The following RYR2 variants were observed in gnomAD, a reference collection of about 807,000 sequenced individuals.
RYR2 encodes the protein ryanodine receptor 2, also known as cardiac muscle ryanodine receptor-calcium release channel.
In RYR2, 227 loss-of-function variants were observed where a neutral mutation model predicts 601.1. The observed-to-expected ratio is 0.38, with a 90% confidence interval of 0.34 to 0.42. The LOEUF (loss-of-function observed/expected upper bound fraction) is 0.42. Among genes scored for constraint, RYR2 ranks in the 10% least tolerant of loss-of-function variants. The pLI, the probability that RYR2 is intolerant of heterozygous loss-of-function variation, is 1.00. For synonymous variants in RYR2, 2,223 were observed against 2,175.1 expected, an observed-to-expected ratio of 1.02 and a Z score of -0.61; for missense variants, 4,646 against 6,156.5, an observed-to-expected ratio of 0.75 and a Z score of 8.21.
chr1:237,595,906 A>G (rs1675844816), intron 34 of RYR2, among the ~76,000 whole-genome samples: 2 of 152,162 alleles, frequency 1.3e-5, no homozygotes, highest in African/African-American at 2.4e-5. Flanking sequence ...AAATGCCTGT[A>G]GCGAGACCAC....
At chr1:237,657,601 T>C (rs1683375149) in intron 53 of RYR2, among the ~76,000 whole-genome samples, 1 of 151,820 alleles carries the variant, frequency 6.6e-6, no homozygotes, top group South Asian at 2.1e-4. Context: ...TTAGTGCTTG[T>C]TTTTTCTTTT....
At position 237,794,009 on chromosome 1, in the gene RYR2, A is replaced by C. The variant is rs790900; in HGVS notation, c.13913+12A>C. On this transcript the variant is annotated intron_variant, in intron 95 of 104. Transcript: ENST00000366574. ...GTAATCAACACACAGTGAGTAAATA[A>C]TTATATGAGACTTTCTGCACTCAAA... is the stretch of plus-strand genomic sequence containing the variant. The C allele has an allele frequency of 0.69, 1,103,150 of 1,601,696 alleles. 384,249 individuals are homozygous for C. Among genetic ancestry groups the C allele is most frequent in the East Asian group, 0.95 (42,526 of 44,748 alleles).
intron 1 of RYR2, among the ~76,000 whole-genome samples, chr1:237,246,561 C>T (rs979549918): frequency 3.9e-5 from 6 of 152,204 alleles, no homozygotes; most frequent in South Asian, 4.2e-4. Context: ...TTCAGCCTCC[C>T]GAGTAGCTAG....
At chr1:237,049,400 C>A (rs1660977119) in intron 1 of RYR2, among the ~76,000 whole-genome samples, 1 of 152,112 alleles carries the variant, frequency 6.6e-6, no homozygotes, top group Non-Finnish European at 1.5e-5. Flanking sequence ...ACCCTGCCAA[C>A]AAATGGTTGT....
chr1:237,699,855 A>C (rs77961583), intron 64 of RYR2, among the ~76,000 whole-genome samples: 4,005 of 152,304 alleles, frequency 0.026, 165 homozygotes, highest in African/African-American at 0.091. Flanking sequence ...AGCTGGCATG[A>C]AATTTTTTTT....
intron 25 of RYR2, among the ~76,000 whole-genome samples, chr1:237,538,394 C>CAAAAAAA (rs10551995): frequency 1.5e-4 from 5 of 32,898 alleles, no homozygotes; most frequent in Non-Finnish European, 1.9e-4. Flanking sequence ...GACTCTGTCT[C>CAAAAAAA]AAAAAAAAAA....
In RYR2 at chr1:237,723,125, C is replaced by T. The variant is rs1202806553; in HGVS notation, c.10555-3C>T. 3.8e-6 allele frequency: 6 copies of T among 1,598,900 alleles called. No homozygotes were observed. The highest frequency in any genetic ancestry group is 5.1e-6 in the Non-Finnish European group (6 of 1,174,966). ...CATTGTAACCTTTTCCTTTTTTCTGCAGTTGGAGGATCCTGCTATTAGATG... is the reference window on the plus strand; with the variant it reads ...CATTGTAACCTTTTCCTTTTTTCTGTAGTTGGAGGATCCTGCTATTAGATG... On this transcript the variant is annotated splice_region_variant and splice_polypyrimidine_tract_variant and intron_variant, in intron 73 of 104. Coordinates refer to ENST00000366574, the MANE Select transcript of RYR2 (RefSeq NM_001035.3).
chr1:237,538,780 AAT>A (rs201224830), intron 25 of RYR2, among the ~76,000 whole-genome samples: 3 of 14,814 alleles, frequency 2.0e-4, no homozygotes, highest in Non-Finnish European at 7.4e-4. Flanking sequence ...CAATAAAAAA[AAT>A]TAAAAAAAAA....
intron 17 of RYR2, among the ~76,000 whole-genome samples, chr1:237,483,897 T>C (rs1221110258): frequency 1.3e-5 from 2 of 152,150 alleles, no homozygotes; most frequent in Admixed American, 6.6e-5. Flanking sequence ...GGGAAAAAAA[T>C]CCCCAAACAA....
At chr1:237,777,366 G>T (rs763816195) in intron 87 of RYR2, among the ~76,000 whole-genome samples, 29 of 152,112 alleles carry the variant, frequency 1.9e-4, no homozygotes, top group Admixed American at 9.8e-4. Flanking sequence ...GCTGAGACAG[G>T]AAAAAGTTCT....
chr1:237,496,461 T>C (rs1351616772), intron 19 of RYR2, 50 bp from the exon 20 acceptor site: 4 of 1,597,526 alleles, frequency 2.5e-6, no homozygotes, highest in Non-Finnish European at 3.4e-6. Context: ...ATGAAAACAA[T>C]GAAAGGTTTT....
chr1:237,552,093 C>T (rs900702709), intron 27 of RYR2, among the ~76,000 whole-genome samples: 1 of 152,160 alleles, frequency 6.6e-6, no homozygotes, highest in Non-Finnish European at 1.5e-5. Flanking sequence ...ATCCATAATG[C>T]TAACATAATA....
intron 63 of RYR2, among the ~76,000 whole-genome samples, chr1:237,689,475 G>C (rs1686748570): frequency 6.6e-6 from 1 of 151,986 alleles, no homozygotes; most frequent in Admixed American, 6.6e-5. Flanking sequence ...TTCCATTTTT[G>C]TTGAATATAT....
chr1:237,326,311 C>T (rs1696168297), intron 2 of RYR2, among the ~76,000 whole-genome samples: 1 of 151,982 alleles, frequency 6.6e-6, no homozygotes, highest in African/African-American at 2.4e-5. Context: ...CACAGCCATG[C>T]TGCTGGCTTA....
intron 22 of RYR2, among the ~76,000 whole-genome samples, chr1:237,504,060 G>A (rs1036817621): frequency 1.3e-5 from 2 of 152,194 alleles, no homozygotes; most frequent in South Asian, 2.1e-4. Context: ...ATTCCCTAAT[G>A]TACGAACAGA....
intron 97 of RYR2, among the ~76,000 whole-genome samples, chr1:237,801,541 CAAA>C (rs113741938): frequency 9.4e-6 from 1 of 106,382 alleles, no homozygotes; most frequent in Non-Finnish European, 1.9e-5. Flanking sequence ...AACTCTGTCT[CAAA>C]AAAAAAAAAA....
chr1:237,351,854 CAAAAAAAAAAAA>C (rs33955032), intron 3 of RYR2, among the ~76,000 whole-genome samples: 12 of 40,930 alleles, frequency 2.9e-4, no homozygotes, highest in Non-Finnish European at 4.2e-4. Flanking sequence ...AAAGACCATG[CAAAAAAAAAAAA>C]AAAAAAAAAA....
At chr1:237,809,159 A>T in intron 100 of RYR2, 124 bp downstream of exon 100, 1 of 912,326 alleles carries the variant, frequency 1.1e-6, no homozygotes, top group Non-Finnish European at 1.7e-6. Context: ...AAAAAGTTGC[A>T]GGGCTGTTTA....
chr1:237,455,422 T>C (rs563375288), intron 15 of RYR2, among the ~76,000 whole-genome samples: 3 of 151,638 alleles, frequency 2.0e-5, no homozygotes, highest in Non-Finnish European at 4.4e-5. Flanking sequence ...TACTTGAGGG[T>C]GGAGGGTGGG....
Sources: allele counts gnomAD v4.1 joint callset (sites outside exome capture counted in the v4.1 genomes callset), GRCh38; gene constraint gnomAD v4.1.1; transcripts MANE v1.5; gene names NCBI Gene and HGNC (gene_info 2026-07-23, HGNC 2026-07-21).